CSTF3: variants seen among roughly 807,000 people sequenced by gnomAD.
CSTF3 encodes CF-1 77 kDa subunit.
A neutral mutation model predicts 105.8 loss-of-function variants in CSTF3; 29 were observed. That is an observed-to-expected ratio of 0.27 (90% CI 0.20 to 0.37). The LOEUF (loss-of-function observed/expected upper bound fraction) is 0.37. Among genes scored for constraint, CSTF3 ranks in the 10% least tolerant of loss-of-function variants. The probability of loss-of-function intolerance (pLI) is 1.00; values close to 1 mark genes in which losing one functional copy is unlikely to be tolerated. For missense variants in CSTF3, 357 were observed against 879.3 expected, an observed-to-expected ratio of 0.41 and a Z score of 7.51; for synonymous variants, 252 against 281.9, an observed-to-expected ratio of 0.89 and a Z score of 1.06.
intron 1 of CSTF3, among the ~76,000 whole-genome samples, chr11:33,151,849 C>A (rs1849785706): frequency 2.0e-5 from 3 of 152,188 alleles, no homozygotes; most frequent in South Asian, 4.1e-4. Flanking sequence ...CATATCCTTA[C>A]CAACATTTGA....
chr11:33,136,932 A>G (rs1013353671), intron 3 of CSTF3, among the ~76,000 whole-genome samples: 2 of 151,854 alleles, frequency 1.3e-5, no homozygotes, highest in African/African-American at 4.8e-5. Context: ...ATTTAGGTAA[A>G]ACATTACTAC....
In CSTF3 at chr11:33,099,487, C is replaced by T. The variant is rs931123250; in HGVS notation, c.936+121G>A. 10 of 727,508 alleles carry T rather than the reference C, an allele frequency of 1.4e-5. No individual in the cohort carries two copies. Among genetic ancestry groups the T allele is most frequent in the South Asian group, 3.6e-5 (2 of 55,816 alleles). 45.1% of individuals were successfully genotyped at this position (727,508 alleles called of 1,614,324 possible). ...TGAGTGTCACTAAGATTCATATGAA[C>T]GTAAACTTAAATTTTCAATACTTAT... On this transcript the variant is annotated intron_variant, in intron 11 of 20. Coordinates refer to ENST00000323959, the MANE Select transcript of CSTF3 (RefSeq NM_001326.3). The surrounding 1 kb of genome is among the most constrained non-coding windows in gnomAD (Gnocchi z 4.1).
intron 3 of CSTF3, among the ~76,000 whole-genome samples, chr11:33,129,658 C>T (rs768528912): frequency 6.6e-6 from 1 of 152,174 alleles, no homozygotes; most frequent in Non-Finnish European, 1.5e-5. Flanking sequence ...CCTCCACATA[C>T]AAAATTACTT....
At chr11:33,090,398 CT>C (rs908556736) in intron 17 of CSTF3, 133 bp downstream of exon 17, 22 of 531,808 alleles carry the variant, frequency 4.1e-5, no homozygotes, top group African/African-American at 3.7e-4. Flanking sequence ...AATCTTTGAA[CT>C]TTTTTCTTGC....
intron 20 of CSTF3, 48 bp from the exon 21 acceptor site, chr11:33,085,337 G>T: frequency 6.9e-7 from 1 of 1,444,488 alleles, no homozygotes; most frequent in Non-Finnish European, 9.3e-7. Context: ...CACTATGAAA[G>T]GGTATGTATG....
intron 8 of CSTF3, among the ~76,000 whole-genome samples, chr11:33,104,248 G>T (rs1051542023): frequency 2.0e-5 from 3 of 152,234 alleles, no homozygotes; most frequent in African/African-American, 7.2e-5. Flanking sequence ...CCCTTTCAGG[G>T]AGTCCATGAG....
At position 33,096,975 on chromosome 11, in the gene CSTF3, A is replaced by G; in HGVS notation, c.1132T>C (p.Tyr378His). 1 of 1,581,020 alleles carries G rather than the reference A, an allele frequency of 6.3e-7. No homozygotes were observed. The highest frequency in any genetic ancestry group is 8.6e-7 in the Non-Finnish European group (1 of 1,157,716). Residue 378 changes from tyrosine (Y) to histidine (H), a missense_variant, in exon 14 of 21, where the codon TAT becomes CAT. Coordinates refer to ENST00000323959, the MANE Select transcript of CSTF3 (RefSeq NM_001326.3). ...CGTGCAAATTTCATATATTGGATAT[A>G]TACCTATGCAAAAGAAAGTATTTGT... ...AIEDIDPTLV[Y>H]IQYMKFARRA... is the part of the protein sequence containing the mutation.
chr11:33,108,986 G>A lies in CSTF3; in HGVS notation c.226-568C>T, dbSNP rs192711367. 1.4e-4 allele frequency among the ~76,000 whole-genome samples: 21 copies of A among 152,276 alleles called. No individual in the cohort carries two copies. In the East Asian group the frequency reaches 2.1e-3, roughly 15 times the overall value. On this transcript the variant is annotated intron_variant, in intron 3 of 20. Coordinates refer to ENST00000323959, the MANE Select transcript of CSTF3 (RefSeq NM_001326.3). The stretch of plus-strand genomic sequence containing the variant: ...TGGAAGGTCATTGTAAGATATTATG[G>A]TTAAGTGCTAAAATGAAGAAAGTAC...
At chr11:33,141,592 G>T in intron 3 of CSTF3, 75 bp downstream of exon 3, 1 of 1,503,900 alleles carries the variant, frequency 6.6e-7, no homozygotes, top group South Asian at 1.4e-5. Context: ...AATTGGCTAT[G>T]TTCCTAACTT....
intron 3 of CSTF3, among the ~76,000 whole-genome samples, chr11:33,115,481 T>C (rs1855421600): frequency 6.6e-6 from 1 of 152,200 alleles, no homozygotes; most frequent in African/African-American, 2.4e-5. Flanking sequence ...TGCAGAATAT[T>C]CTTCTTTCCA....
At chr11:33,120,056 T>C (rs1461432942) in intron 3 of CSTF3, among the ~76,000 whole-genome samples, 5 of 151,792 alleles carry the variant, frequency 3.3e-5, no homozygotes, top group Non-Finnish European at 5.9e-5. Flanking sequence ...TAGTAAAATA[T>C]GAATTCTAAA....
chr11:33,120,963 C>T (rs2133786717), intron 3 of CSTF3, among the ~76,000 whole-genome samples: 1 of 152,092 alleles, frequency 6.6e-6, no homozygotes, highest in East Asian at 1.9e-4. Flanking sequence ...TAAATTCAGA[C>T]TAAAATGGAG....
At chr11:33,133,561 A>G (rs955812623) in intron 3 of CSTF3, among the ~76,000 whole-genome samples, 9 of 152,230 alleles carry the variant, frequency 5.9e-5, no homozygotes, top group Admixed American at 2.0e-4. Context: ...AGCATCAAAC[A>G]AATTCAAATT....
chr11:33,143,182 A>G (rs946158532), intron 1 of CSTF3, among the ~76,000 whole-genome samples: 1 of 152,240 alleles, frequency 6.6e-6, no homozygotes, highest in Admixed American at 6.5e-5. Flanking sequence ...GCAATTAAAG[A>G]GATTTTTAAA....
At chr11:33,121,755 C>T (rs1419118983) in intron 3 of CSTF3, among the ~76,000 whole-genome samples, 1 of 152,092 alleles carries the variant, frequency 6.6e-6, no homozygotes, top group Non-Finnish European at 1.5e-5. Flanking sequence ...CTTTCACCAG[C>T]AAATGAAGTC....
intron 3 of CSTF3, among the ~76,000 whole-genome samples, chr11:33,109,899 G>A (rs1855362665): frequency 6.6e-6 from 1 of 152,026 alleles, no homozygotes; most frequent in African/African-American, 2.4e-5. Flanking sequence ...TTTGCTCAAG[G>A]TGTTAAAATA....
chr11:33,143,262 C>G (rs1855736273), intron 1 of CSTF3, among the ~76,000 whole-genome samples: 1 of 151,638 alleles, frequency 6.6e-6, no homozygotes, highest in South Asian at 2.1e-4. Flanking sequence ...ATTTTTTTTC[C>G]CCTTTTCTTT....
intron 20 of CSTF3, 89 bp downstream of exon 20, chr11:33,085,624 A>G: frequency 8.0e-7 from 1 of 1,255,762 alleles, no homozygotes; most frequent in South Asian, 1.3e-5. Flanking sequence ...GCTGGTTTCG[A>G]AAACTTCAGT....
chr11:33,139,617 T>C (rs900744428), intron 3 of CSTF3, among the ~76,000 whole-genome samples: 1 of 151,918 alleles, frequency 6.6e-6, no homozygotes, highest in South Asian at 2.1e-4. Context: ...GCTCAGGATA[T>C]GCATTTCTAA....
Sources: allele counts gnomAD v4.1 joint callset (sites outside exome capture counted in the v4.1 genomes callset), GRCh38; gene constraint gnomAD v4.1.1; non-coding constraint Gnocchi (gnomAD v3.1); transcripts MANE v1.5; gene names NCBI Gene and HGNC (gene_info 2026-07-23, HGNC 2026-07-21).